Variants in PRSS23 observed in about 807,000 individuals in gnomAD.
The protein encoded by PRSS23 is serine protease 23.
Under a neutral mutation model 34.7 loss-of-function variants are expected in PRSS23, and 25 were observed. The observed-to-expected ratio is 0.72, with a 90% CI of 0.53 to 1.01. The LOEUF (loss-of-function observed/expected upper bound fraction) is 1.01, where lower values mean the gene tolerates loss of function less well. Ranked by LOEUF, PRSS23 falls within the 50% of genes least tolerant of loss-of-function variation. The pLI is 0.00. For missense variants in PRSS23, 445 were observed against 475.6 expected (o/e 0.94, Z 0.60); for synonymous variants, 176 against 186.6 (o/e 0.94, Z 0.46).
At chr11:86,844,138 A>G (rs1471062077) in intron 2 of PRSS23, among the ~76,000 whole-genome samples, 2 of 152,212 alleles carry the variant, frequency 1.3e-5, no homozygotes, top group Non-Finnish European at 2.9e-5. Flanking sequence ...GCCTGTAACC[A>G]TCATTGTAAG....
intron 1 of PRSS23, among the ~76,000 whole-genome samples, chr11:86,817,860 G>A (rs1948224989): frequency 6.6e-6 from 1 of 152,112 alleles, no homozygotes; most frequent in South Asian, 2.1e-4. Flanking sequence ...TGTCAGAGAG[G>A]GGCTAATTGA....
intron 2 of PRSS23, among the ~76,000 whole-genome samples, chr11:86,830,148 C>T (rs553258393): frequency 5.3e-5 from 8 of 151,758 alleles, no homozygotes; most frequent in African/African-American, 1.5e-4. Flanking sequence ...CTCCACCCAG[C>T]TCGAGCTTCC....
At chr11:86,841,130 A>T (rs941362819) in intron 2 of PRSS23, among the ~76,000 whole-genome samples, 15 of 152,222 alleles carry the variant, frequency 9.9e-5, no homozygotes, top group African/African-American at 3.4e-4. Flanking sequence ...ACCTGAGGTC[A>T]GGAGTTCGAG....
At chr11:86,822,976 A>G (rs2134875990) in intron 1 of PRSS23, among the ~76,000 whole-genome samples, 1 of 152,298 alleles carries the variant, frequency 6.6e-6, no homozygotes. Flanking sequence ...TAAATGCAGG[A>G]TCCACACTGG....
In PRSS23 at chr11:86,849,925, AAGAGGAGGAACCTACCTCTT is replaced by A. The variant is rs370806487; in HGVS notation, c.206+26337_206+26356del. On this transcript the variant is annotated intron_variant, in intron 2 of 2. Coordinates refer to the PRSS23 transcript ENST00000533902. ...GAGCCCTAGACATAGTAACAGCTGA[AAGAGGAGGAACCTACCTCTT>A]AGAGAAGAATGTTGCTATTTCATTA... 3.5e-3 allele frequency among the ~76,000 whole-genome samples: 535 copies of A among 152,288 alleles called. 3 individuals are homozygous for A. The highest frequency in any genetic ancestry group is 0.013 in the African/African-American group (525 of 41,548).
intron 2 of PRSS23, among the ~76,000 whole-genome samples, chr11:86,938,677 TG>T (rs36054710): frequency 9.2e-6 from 1 of 108,450 alleles, no homozygotes; most frequent in Non-Finnish European, 1.7e-5. Flanking sequence ...AGCTCCTTCC[TG>T]GGGGTGGTGC....
chr11:86,887,600 AATATT>A (rs1213076131), intron 2 of PRSS23, among the ~76,000 whole-genome samples: 9 of 152,204 alleles, frequency 5.9e-5, no homozygotes, highest in Non-Finnish European at 1.3e-4. Context: ...ACTGTGAAAG[AATATT>A]ATAACTGTCC....
At position 86,893,707 on chromosome 11, in the gene PRSS23, A is replaced by G. The variant is rs150259918; in HGVS notation, c.207-57509A>G. Among the ~76,000 whole-genome samples the G allele has an allele frequency of 6.9e-3, 1,056 of 152,300 alleles. 9 individuals are homozygous for G. Among genetic ancestry groups the G allele is most frequent in the African/African-American group, 0.025 (1,019 of 41,558 alleles). On this transcript the variant is annotated intron_variant, in intron 2 of 2. Transcript: ENST00000533902. ...TTTGTGCCCAAAATAGCAGTGGCTT[A>G]AATAAAAGTATATTCTTCTTGTTAA...
chr11:86,866,218 C>T (rs1948648432), intron 2 of PRSS23, among the ~76,000 whole-genome samples: 1 of 152,182 alleles, frequency 6.6e-6, no homozygotes, highest in African/African-American at 2.4e-5. Context: ...AAGTGCAACC[C>T]TCTAGAGTAA....
At chr11:86,870,132 G>T (rs1256561938) in intron 2 of PRSS23, among the ~76,000 whole-genome samples, 3 of 152,088 alleles carry the variant, frequency 2.0e-5, no homozygotes, top group Admixed American at 6.6e-5. Flanking sequence ...CACAGATTAT[G>T]ATATGGCTCC....
intron 2 of PRSS23, among the ~76,000 whole-genome samples, chr11:86,834,919 C>T (rs1031331905): frequency 6.6e-6 from 1 of 152,120 alleles, no homozygotes; most frequent in Non-Finnish European, 1.5e-5. Flanking sequence ...CACTGCATAC[C>T]CCGCTTTTCG....
At chr11:86,891,132 A>G (rs1334025599) in intron 2 of PRSS23, among the ~76,000 whole-genome samples, 5 of 152,142 alleles carry the variant, frequency 3.3e-5, no homozygotes, top group Non-Finnish European at 7.3e-5. Flanking sequence ...TGTTTTCTGT[A>G]ATCAGACTGA....
chr11:86,835,324 G>A lies in PRSS23; in HGVS notation c.206+11731G>A, dbSNP rs184849471. Among the ~76,000 whole-genome samples the A allele has an allele frequency of 1.1e-4, 16 of 152,330 alleles. No homozygotes were observed. In the East Asian group the frequency reaches 1.5e-3, roughly 15 times the overall value. On this transcript the variant is annotated intron_variant, in intron 2 of 2. Coordinates refer to the PRSS23 transcript ENST00000533902. ...TAAACAATGAGGCCAACCTTTTGCC[G>A]CTACATCAATTTCCTTACTCAGGTA...
At chr11:86,796,364 G>A (rs1211922148), upstream of PRSS23, among the ~76,000 whole-genome samples, 7 of 152,146 alleles carry the variant, frequency 4.6e-5, no homozygotes, top group South Asian at 6.2e-4. Context: ...CACATAGGCC[G>A]GGCGCGGTGG....
At chr11:86,930,747 G>A (rs1303454002) in intron 2 of PRSS23, among the ~76,000 whole-genome samples, 11 of 148,904 alleles carry the variant, frequency 7.4e-5, no homozygotes, top group African/African-American at 2.7e-4. Flanking sequence ...CCGAGATCGC[G>A]CCACTGCACT....
intron 1 of PRSS23, among the ~76,000 whole-genome samples, chr11:86,819,531 A>G (rs911092290): frequency 2.0e-5 from 3 of 152,184 alleles, no homozygotes; most frequent in Non-Finnish European, 2.9e-5. Flanking sequence ...CAAAGTCAGC[A>G]TTCCTTTCAC....
chr11:86,939,426 A>ATATTTTTTTTTTTT, intron 2 of PRSS23, among the ~76,000 whole-genome samples: 47 of 94,060 alleles, frequency 5.0e-4, no homozygotes, highest in African/African-American at 1.3e-3. Flanking sequence ...ATATATATAT[A>ATATTTTTTTTTTTT]TTTTTTAACA....
At chr11:86,949,163 TA>T (rs777013024) in intron 2 of PRSS23, 1 of 152,176 alleles carries the variant, frequency 6.6e-6, no homozygotes, top group Non-Finnish European at 1.5e-5. Context: ...TGTGCCCACT[TA>T]ACTTCAGTCT....
chr11:86,861,961 G>A (rs1340714982), intron 2 of PRSS23, among the ~76,000 whole-genome samples: 4 of 151,750 alleles, frequency 2.6e-5, no homozygotes, highest in Non-Finnish European at 4.4e-5. Context: ...TGTCCACCCA[G>A]TTGTGATAAT....
Sources: gnomAD v4.1 joint callset for allele counts (sites outside exome capture counted in the v4.1 genomes callset) on GRCh38, gnomAD v4.1.1 for gene constraint, MANE v1.5 for transcripts, NCBI Gene and HGNC (gene_info 2026-07-23, HGNC 2026-07-21) for gene names.